The following RANBP9 variants were observed in gnomAD, a reference collection of about 807,000 sequenced individuals.
RANBP9 encodes the protein ran-binding protein 9.
RANBP9 carries 15 observed loss-of-function variants against 84.3 expected under a neutral mutation model. That is an observed-to-expected ratio of 0.18 (90% CI 0.12 to 0.27). The LOEUF is 0.27. RANBP9 is among the 10% of genes least tolerant of loss of function. The pLI is 1.00. For missense variants in RANBP9, 809 were observed against 912.8 expected, an observed-to-expected ratio of 0.89 and a Z score of 1.46; for synonymous variants, 392 against 349.6, an observed-to-expected ratio of 1.12 and a Z score of -1.35.
chr6:13,643,237 G>A (rs1765106514), intron 6 of RANBP9, among the ~76,000 whole-genome samples: 1 of 152,144 alleles, frequency 6.6e-6, no homozygotes, highest in Non-Finnish European at 1.5e-5. Context: ...ACATGTAAGT[G>A]ACACATTTCC....
chr6:13,655,918 C>T (rs965400031), intron 4 of RANBP9, among the ~76,000 whole-genome samples: 2 of 152,160 alleles, frequency 1.3e-5, no homozygotes, highest in Non-Finnish European at 2.9e-5. Context: ...CACAAATATA[C>T]ATAATTTGCA....
chr6:13,625,596 C>G (rs557473173), intron 13 of RANBP9, 57 bp downstream of exon 13: 6 of 1,251,518 alleles, frequency 4.8e-6, no homozygotes, highest in Non-Finnish European at 5.8e-6. Context: ...TACAAACACC[C>G]TCTCTTAAAT....
intron 5 of RANBP9, among the ~76,000 whole-genome samples, chr6:13,651,586 G>C (rs1382512817): frequency 6.6e-6 from 1 of 151,314 alleles, no homozygotes; most frequent in African/African-American, 2.4e-5. Context: ...TTTTTTAGTA[G>C]AGACGGGGGT....
chr6:13,647,425 G>C (rs894533721), intron 5 of RANBP9, among the ~76,000 whole-genome samples: 1 of 151,958 alleles, frequency 6.6e-6, no homozygotes, highest in African/African-American at 2.4e-5. Flanking sequence ...GATCAATTGT[G>C]GTAGTAAGTT....
At chr6:13,710,232 T>C (rs934904980) in intron 1 of RANBP9, among the ~76,000 whole-genome samples, 27 of 152,166 alleles carry the variant, frequency 1.8e-4, no homozygotes, top group African/African-American at 6.0e-4. Flanking sequence ...TTTTGTTCCA[T>C]CTTCGTTTTC....
intron 2 of RANBP9, among the ~76,000 whole-genome samples, chr6:13,668,953 G>A (rs751982429): frequency 8.3e-4 from 126 of 152,000 alleles, no homozygotes; most frequent in Admixed American, 6.6e-4. Context: ...ATCCTCTATT[G>A]ACAGATGGCA....
At chr6:13,661,462 C>T (rs1291716931) in intron 2 of RANBP9, among the ~76,000 whole-genome samples, 1 of 150,898 alleles carries the variant, frequency 6.6e-6, no homozygotes, top group Middle Eastern at 3.2e-3. Context: ...AATATAATAT[C>T]AACAAATGTG....
chr6:13,704,798 A>G (rs1758060107), intron 1 of RANBP9, among the ~76,000 whole-genome samples: 1 of 151,782 alleles, frequency 6.6e-6, no homozygotes, highest in Non-Finnish European at 1.5e-5. Context: ...TTTCTCCTAT[A>G]TCCTACTCAT....
chr6:13,678,153 T>C (rs1291880061), intron 2 of RANBP9, among the ~76,000 whole-genome samples: 2 of 152,066 alleles, frequency 1.3e-5, no homozygotes, highest in African/African-American at 4.8e-5. Context: ...GATGCTCCTG[T>C]GAAAATATTT....
chr6:13,653,856 C>A (rs573852934), intron 4 of RANBP9, among the ~76,000 whole-genome samples: 1 of 151,978 alleles, frequency 6.6e-6, no homozygotes, highest in South Asian at 2.1e-4. Flanking sequence ...GTTTTCCCCA[C>A]GTAAAACATT....
At chr6:13,680,246 T>G (rs956282587) in intron 2 of RANBP9, among the ~76,000 whole-genome samples, 17 of 152,110 alleles carry the variant, frequency 1.1e-4, no homozygotes, top group African/African-American at 4.1e-4. Context: ...GAACAAATAC[T>G]GAAAACCATC....
At chr6:13,708,581 A>G (rs1758188668) in intron 1 of RANBP9, among the ~76,000 whole-genome samples, 1 of 152,254 alleles carries the variant, frequency 6.6e-6, no homozygotes, top group Non-Finnish European at 1.5e-5. Flanking sequence ...ATACGTGAAT[A>G]TATGAATAGT....
chr6:13,667,377 CTTA>C (rs1765674467), intron 2 of RANBP9, among the ~76,000 whole-genome samples: 1 of 152,020 alleles, frequency 6.6e-6, no homozygotes, highest in East Asian at 1.9e-4. Flanking sequence ...TAATGACTAC[CTTA>C]TTAAGATTTT....
rs1041298384 is a variant in RANBP9, at chr6:13,661,490, GA to G, written c.684-2659del. On this transcript the variant is annotated intron_variant, in intron 2 of 13. Coordinates refer to ENST00000011619, the MANE Select transcript of RANBP9 (RefSeq NM_005493.3). ...CAAATGTGACACAACAGGCATGTGGGAAAAAAAATGAGAAAAAAAGAGAAAG... is the reference window on the plus strand; with the variant it reads ...CAAATGTGACACAACAGGCATGTGGGAAAAAAATGAGAAAAAAAGAGAAAG... 4.6e-5 allele frequency among the ~76,000 whole-genome samples: 7 copies of G among 151,232 alleles called. No homozygotes were observed. The East Asian group carries it at 1.2e-3, about 25-fold the overall frequency.
At position 13,634,462 on chromosome 6, in the gene RANBP9, G is replaced by A. The variant is rs1764883373; in HGVS notation, c.1764C>T (p.Asp588=). ...NGFLNGSSKH[D]HEMEDCDTEM... ...CGGTGTCACAATCTTCCATTTCGTGGTCATGTTTAGAGCTACCATTTAGGA... is the reference window on the plus strand; with the variant it reads ...CGGTGTCACAATCTTCCATTTCGTGATCATGTTTAGAGCTACCATTTAGGA... The change falls in exon 11 of 14, where the codon GAC becomes GAT. Residue 588 remains aspartate, a synonymous_variant. Transcript: ENST00000011619. 1.9e-6 allele frequency: 3 copies of A among 1,613,328 alleles called. No homozygotes were observed. Among genetic ancestry groups the A allele is most frequent in the Non-Finnish European group, 2.5e-6 (3 of 1,179,616 alleles).
At chr6:13,695,315 C>CA (rs1420830051) in intron 2 of RANBP9, among the ~76,000 whole-genome samples, 1 of 143,944 alleles carries the variant, frequency 6.9e-6, no homozygotes, top group Non-Finnish European at 1.5e-5. Context: ...TGAGATCTGA[C>CA]AAAGGGAGAG....
At chr6:13,674,710 C>A (rs540235473) in intron 2 of RANBP9, among the ~76,000 whole-genome samples, 1 of 152,316 alleles carries the variant, frequency 6.6e-6, no homozygotes, top group East Asian at 1.9e-4. Context: ...ATCATTACCT[C>A]CTCCTGCTGC....
At chr6:13,638,162 G>C (rs1242936287) in intron 9 of RANBP9, among the ~76,000 whole-genome samples, 1 of 152,018 alleles carries the variant, frequency 6.6e-6, no homozygotes, top group African/African-American at 2.4e-5. Flanking sequence ...TTTATTGAAG[G>C]CTTAATTACA....
At chr6:13,686,365 A>G (rs1408913467) in intron 2 of RANBP9, among the ~76,000 whole-genome samples, 1 of 151,832 alleles carries the variant, frequency 6.6e-6, no homozygotes, top group Non-Finnish European at 1.5e-5. Context: ...GGCTCACTAC[A>G]GCCTCTGCCT....
Sources: gnomAD v4.1 joint callset for allele counts (sites outside exome capture counted in the v4.1 genomes callset) on GRCh38, gnomAD v4.1.1 for gene constraint, MANE v1.5 for transcripts, NCBI Gene and HGNC (gene_info 2026-07-23, HGNC 2026-07-21) for gene names.